The following CCSER1 variants were observed in gnomAD, a reference collection of about 807,000 sequenced individuals.
CCSER1 encodes the protein coiled-coil serine rich protein 1.
In CCSER1, 41 loss-of-function variants were observed where a neutral mutation model predicts 82.0. The observed-to-expected ratio is 0.50, with a 90% CI of 0.39 to 0.65. The LOEUF (loss-of-function observed/expected upper bound fraction) is 0.65. Ranked by LOEUF, CCSER1 falls within the 30% of genes least tolerant of loss-of-function variation. The pLI is 0.00. For synonymous variants in CCSER1, 414 were observed against 383.9 expected (o/e 1.08, Z -0.92); for missense variants, 1,119 against 1,064.2 (o/e 1.05, Z -0.72).
intron 7 of CCSER1, among the ~76,000 whole-genome samples, chr4:90,771,145 A>C (rs112471040): frequency 3.0e-3 from 449 of 152,202 alleles, no homozygotes; most frequent in Non-Finnish European, 4.7e-3. Flanking sequence ...TATGATTTTA[A>C]AGTGCCTACA....
intron 10 of CCSER1, among the ~76,000 whole-genome samples, chr4:91,451,181 G>A (rs1051112693): frequency 1.3e-5 from 2 of 151,912 alleles, no homozygotes; most frequent in Non-Finnish European, 2.9e-5. Context: ...TCCCATTCAT[G>A]AGGCCTTATG....
At chr4:90,297,894 G>T (rs1314141469) in intron 1 of CCSER1, among the ~76,000 whole-genome samples, 1 of 152,174 alleles carries the variant, frequency 6.6e-6, no homozygotes, top group Non-Finnish European at 1.5e-5. Context: ...GATTCGGTTT[G>T]CCAGTATTTT....
At chr4:90,544,899 A>C (rs1272495042) in intron 5 of CCSER1, among the ~76,000 whole-genome samples, 1 of 152,126 alleles carries the variant, frequency 6.6e-6, no homozygotes, top group African/African-American at 2.4e-5. Context: ...CTCTCTGGGG[A>C]GGGGAACAAG....
chr4:91,357,852 A>G (rs1233249458), intron 10 of CCSER1, among the ~76,000 whole-genome samples: 13 of 119,876 alleles, frequency 1.1e-4, no homozygotes, highest in Admixed American at 9.3e-5. Flanking sequence ...ACCATATAAC[A>G]CTCTTTTTAC....
At chr4:91,000,469 T>C (rs1737935476) in intron 9 of CCSER1, among the ~76,000 whole-genome samples, 1 of 152,076 alleles carries the variant, frequency 6.6e-6, no homozygotes, top group South Asian at 2.1e-4. Flanking sequence ...AAAATGACAT[T>C]GGTGGTTTGA....
At chr4:90,687,601 C>T (rs1296052210) in intron 6 of CCSER1, among the ~76,000 whole-genome samples, 2 of 152,104 alleles carry the variant, frequency 1.3e-5, no homozygotes, top group African/African-American at 4.8e-5. Flanking sequence ...TCCTTTTCAT[C>T]CTAACCAGGA....
chr4:90,750,544 C>T (rs184275099), intron 7 of CCSER1, among the ~76,000 whole-genome samples: 303 of 152,162 alleles, frequency 2.0e-3, no homozygotes, highest in African/African-American at 6.6e-3. Context: ...CCAGTGTATG[C>T]GTTTATTTTT....
At chr4:90,783,939 G>A (rs75649573) in intron 7 of CCSER1, among the ~76,000 whole-genome samples, 4,370 of 151,902 alleles carry the variant, frequency 0.029, 188 homozygotes, top group African/African-American at 0.094. Flanking sequence ...AATTATAGCT[G>A]AGAGAGCTGG....
intron 4 of CCSER1, among the ~76,000 whole-genome samples, chr4:90,412,290 G>A (rs1177565518): frequency 7.9e-6 from 1 of 125,824 alleles, no homozygotes; most frequent in South Asian, 2.9e-4. Context: ...ACAGGAAGAG[G>A]AACCTCACAC....
chr4:90,128,383 G>A (rs1722192034), intron 1 of CCSER1, among the ~76,000 whole-genome samples: 1 of 152,220 alleles, frequency 6.6e-6, no homozygotes. Context: ...GTCCTCTGGC[G>A]CCAGTTTCCT....
rs543824896 is a variant in CCSER1, at chr4:90,702,456, G to A, written c.1933-21458G>A. On this transcript the variant is annotated intron_variant, in intron 6 of 10. Coordinates refer to ENST00000509176, the MANE Select transcript of CCSER1 (RefSeq NM_001145065.2). ...CTCTTTTTTTGTTTTGTCCCTGCCAGGCTTTGGTATCAGGATGATGCTGGC... is the reference window on the plus strand; with the variant it reads ...CTCTTTTTTTGTTTTGTCCCTGCCAAGCTTTGGTATCAGGATGATGCTGGC... Among the ~76,000 whole-genome samples, 6 of 152,196 alleles carry A rather than the reference G, an allele frequency of 3.9e-5. No homozygotes were observed. The South Asian group carries it at 1.2e-3, about 32-fold the overall frequency.
chr4:91,028,656 A>G (rs1303557679), intron 9 of CCSER1, among the ~76,000 whole-genome samples: 5 of 151,970 alleles, frequency 3.3e-5, no homozygotes, highest in Non-Finnish European at 7.4e-5. Flanking sequence ...GAACAAAAGT[A>G]ATCTACTTGT....
chr4:91,482,008 A>G lies in CCSER1; in HGVS notation c.2218-116564A>G, dbSNP rs1428260490. On this transcript the variant is annotated intron_variant, in intron 10 of 10. Coordinates refer to ENST00000509176, the MANE Select transcript of CCSER1 (RefSeq NM_001145065.2). ...AAGAAGACATTTATGCAGCCAGCAG[A>G]CACATGAAAAAATGCTCATCATCAC... Among the ~76,000 whole-genome samples the G allele has an allele frequency of 2.0e-5, 3 of 152,234 alleles. No individual in the cohort carries two copies. The East Asian group carries it at 5.8e-4, about 29-fold the overall frequency.
intron 10 of CCSER1, among the ~76,000 whole-genome samples, chr4:91,281,550 AC>A (rs1387698798): frequency 6.6e-6 from 1 of 152,212 alleles, no homozygotes; most frequent in Non-Finnish European, 1.5e-5. Context: ...CAGGATGTCG[AC>A]CATATGACAT....
chr4:90,415,280 G>C (rs1348793847), intron 4 of CCSER1, among the ~76,000 whole-genome samples: 1 of 152,194 alleles, frequency 6.6e-6, no homozygotes, highest in Non-Finnish European at 1.5e-5. Context: ...ACCCCCTTCA[G>C]TACAAGCTGA....
chr4:90,502,573 G>C (rs1379734286), intron 5 of CCSER1, among the ~76,000 whole-genome samples: 1 of 152,124 alleles, frequency 6.6e-6, no homozygotes, highest in African/African-American at 2.4e-5. Context: ...ATTGTCAGAA[G>C]CGGTGGACAA....
At position 91,355,766 on chromosome 4, in the gene CCSER1, G is replaced by A. The variant is rs572437938; in HGVS notation, c.2218-242806G>A. 2.6e-4 allele frequency among the ~76,000 whole-genome samples: 39 copies of A among 152,252 alleles called. No individual in the cohort carries two copies. In the East Asian group the frequency reaches 4.6e-3, roughly 18 times the overall value. ...TTAGAGTCACTTTGCAGGGGCTGGC[G>A]AAGCTGCTCCCATCCACGTACAGCT... On this transcript the variant is annotated intron_variant, in intron 10 of 10. Transcript: ENST00000509176.
intron 7 of CCSER1, among the ~76,000 whole-genome samples, chr4:90,774,177 G>T (rs564800084): frequency 1.3e-5 from 2 of 152,074 alleles, no homozygotes; most frequent in Admixed American, 6.5e-5. Context: ...CAGGTTAAAA[G>T]AATAATATTA....
At chr4:91,589,903 C>T (rs952809965) in intron 10 of CCSER1, among the ~76,000 whole-genome samples, 4 of 151,468 alleles carry the variant, frequency 2.6e-5, no homozygotes, top group African/African-American at 9.7e-5. Flanking sequence ...CACACATATA[C>T]ACACACACAC....
Sources: gnomAD v4.1 joint callset for allele counts (sites outside exome capture counted in the v4.1 genomes callset) on GRCh38, gnomAD v4.1.1 for gene constraint, MANE v1.5 for transcripts, NCBI Gene and HGNC (gene_info 2026-07-23, HGNC 2026-07-21) for gene names.